The following C1QTNF3 variants were observed in gnomAD, a reference collection of about 807,000 sequenced individuals.
The protein encoded by C1QTNF3 is C1q and TNF related 3.
In C1QTNF3, 26 loss-of-function variants were observed where a neutral mutation model predicts 32.6. The observed-to-expected ratio is 0.80, with a 90% CI of 0.58 to 1.11. C1QTNF3 has a LOEUF of 1.11. C1QTNF3 is among the 50% of genes least tolerant of loss of function. C1QTNF3 has a pLI of 0.00. For synonymous variants in C1QTNF3, 155 were observed against 146.0 expected (o/e 1.06, Z -0.44); for missense variants, 362 against 398.2 (o/e 0.91, Z 0.77).
chr5:34,128,547 A>C, the C1QTNF3 span, among the ~76,000 whole-genome samples: 1 of 152,232 alleles, frequency 6.6e-6, no homozygotes, highest in Non-Finnish European at 1.5e-5. Flanking sequence ...TTGCAGAGAC[A>C]CAAGAGTAGA....
At chr5:34,045,714 T>C (rs1754974250), upstream of C1QTNF3, among the ~76,000 whole-genome samples, 1 of 152,006 alleles carries the variant, frequency 6.6e-6, no homozygotes, top group Non-Finnish European at 1.5e-5. Flanking sequence ...AGAGAAGGAT[T>C]CTGCAAAGAA....
chr5:34,052,114 T>G, the C1QTNF3 span, among the ~76,000 whole-genome samples: 4 of 152,126 alleles, frequency 2.6e-5, no homozygotes, highest in Non-Finnish European at 4.4e-5. Flanking sequence ...TTCCAGCCTG[T>G]GTGACAGAGC....
the C1QTNF3 span, among the ~76,000 whole-genome samples, chr5:34,139,710 T>C: frequency 3.9e-5 from 6 of 152,186 alleles, no homozygotes; most frequent in African/African-American, 1.4e-4. Context: ...TAAACTGACC[T>C]AGAATCACTA....
At chr5:34,102,519 T>TTAAA in the C1QTNF3 span, among the ~76,000 whole-genome samples, 13 of 152,266 alleles carry the variant, frequency 8.5e-5, no homozygotes, top group African/African-American at 2.6e-4. Flanking sequence ...TTGTGGCTAT[T>TTAAA]TAAACATCAT....
At chr5:34,094,156 A>T in the C1QTNF3 span, among the ~76,000 whole-genome samples, 1,884 of 152,280 alleles carry the variant, frequency 0.012, 21 homozygotes, top group South Asian at 0.029. Context: ...TTTTGCTGCA[A>T]TAGAATGGGG....
intron 1 of C1QTNF3, among the ~76,000 whole-genome samples, chr5:34,037,586 T>C (rs1754771075): frequency 6.6e-6 from 1 of 152,228 alleles, no homozygotes; most frequent in African/African-American, 2.4e-5. Context: ...TCCTGCAACC[T>C]CTCAGAACCC....
At chr5:34,055,797 T>G in the C1QTNF3 span, among the ~76,000 whole-genome samples, 1 of 152,338 alleles carries the variant, frequency 6.6e-6, no homozygotes, top group East Asian at 1.9e-4. Context: ...GCCCTGGCAG[T>G]TATGCCCATG....
chr5:34,049,365 CA>C, the C1QTNF3 span, among the ~76,000 whole-genome samples: 2 of 152,152 alleles, frequency 1.3e-5, no homozygotes, highest in African/African-American at 4.8e-5. Flanking sequence ...CCTTAGGACA[CA>C]GTGACCTTCC....
chr5:34,054,663 T>C, the C1QTNF3 span, among the ~76,000 whole-genome samples: 1 of 152,336 alleles, frequency 6.6e-6, no homozygotes, highest in East Asian at 1.9e-4. Flanking sequence ...AGTCACTGTG[T>C]TCCATAACTC....
the C1QTNF3 span, among the ~76,000 whole-genome samples, chr5:34,240,204 C>T: frequency 6.7e-6 from 1 of 150,154 alleles, no homozygotes. Context: ...CAATCTAACA[C>T]TACACCTAAA....
the C1QTNF3 span, among the ~76,000 whole-genome samples, chr5:34,177,480 C>CTTTTTTTT: frequency 2.4e-5 from 2 of 84,638 alleles, no homozygotes; most frequent in African/African-American, 9.6e-5. Flanking sequence ...CCATACCCAA[C>CTTTTTTTT]TTTTTTTTTT....
chr5:34,123,765 A>G, the C1QTNF3 span, among the ~76,000 whole-genome samples: 13 of 152,156 alleles, frequency 8.5e-5, no homozygotes, highest in Admixed American at 2.0e-4. Flanking sequence ...CATACTAAAC[A>G]CTTGTCTCCT....
At chr5:34,023,865 C>T in intron 5 of C1QTNF3, 44 bp downstream of exon 5, 1 of 1,508,950 alleles carries the variant, frequency 6.6e-7, no homozygotes, top group Non-Finnish European at 9.2e-7. Context: ...CTTGAACAAA[C>T]AATGGCAGCA....
chr5:34,043,916 C>A (rs1393282211), upstream of C1QTNF3: 1 of 152,184 alleles, frequency 6.6e-6, no homozygotes, highest in African/African-American at 2.4e-5. Flanking sequence ...GTCTCTGGCT[C>A]CTCTTTCTTT....
At chr5:34,167,894 A>G in the C1QTNF3 span, 1 of 152,126 alleles carries the variant, frequency 6.6e-6, no homozygotes, top group African/African-American at 2.4e-5. Flanking sequence ...AATGGACACA[A>G]ACCACATTCA....
At chr5:34,047,823 A>G (rs933819103), upstream of C1QTNF3, among the ~76,000 whole-genome samples, 47 of 152,210 alleles carry the variant, frequency 3.1e-4, no homozygotes, top group African/African-American at 1.1e-3. Context: ...CCAGTTGAAG[A>G]AGAAGTTTTA....
At chr5:34,034,105 T>C (rs1754680780) in intron 2 of C1QTNF3, among the ~76,000 whole-genome samples, 1 of 152,208 alleles carries the variant, frequency 6.6e-6, no homozygotes, top group Non-Finnish European at 1.5e-5. Flanking sequence ...AGGCCAAGGC[T>C]ACAGGGAGCC....
chr5:34,035,073 C>A (rs138046602), intron 2 of C1QTNF3, among the ~76,000 whole-genome samples: 1 of 152,198 alleles, frequency 6.6e-6, no homozygotes, highest in East Asian at 1.9e-4. Context: ...CCTGGGCTAC[C>A]CTTTCCTGGA....
the C1QTNF3 span, among the ~76,000 whole-genome samples, chr5:34,054,756 A>G: frequency 1.1e-4 from 17 of 151,788 alleles, 2 homozygotes; most frequent in African/African-American, 4.1e-4. Context: ...AGGAATCTGT[A>G]TTTTTTTTAC....
Sources: allele counts gnomAD v4.1 joint callset (sites outside exome capture counted in the v4.1 genomes callset), GRCh38; gene constraint gnomAD v4.1.1; transcripts MANE v1.5; gene names NCBI Gene and HGNC (gene_info 2026-07-23, HGNC 2026-07-21).